The following EIPR1 variants were observed in gnomAD, a reference collection of about 807,000 sequenced individuals.
The protein encoded by EIPR1 is EARP complex and GARP complex interacting protein 1, also known as EARP and GARP complex-interacting protein 1.
In EIPR1, 25 loss-of-function variants were observed where a neutral mutation model predicts 48.1. The ratio of observed to expected loss-of-function variants is 0.52; its 90% confidence interval spans 0.38 to 0.73. The LOEUF (loss-of-function observed/expected upper bound fraction) is 0.73. Ranked by LOEUF, EIPR1 falls within the 30% of genes least tolerant of loss-of-function variation. The pLI, the probability that EIPR1 is intolerant of heterozygous loss-of-function variation, is 0.00. For missense variants in EIPR1, 415 were observed against 506.2 expected (o/e 0.82, Z 1.73); for synonymous variants, 204 against 201.9 (o/e 1.01, Z -0.09).
At chr2:3,208,338 T>G (rs1665304888) in intron 5 of EIPR1, 1 of 939,980 alleles carries the variant, frequency 1.1e-6, no homozygotes. Flanking sequence ...GGAGCCACCG[T>G]GAGCACCTCT....
intron 1 of EIPR1, among the ~76,000 whole-genome samples, chr2:3,360,897 G>C (rs1421326877): frequency 6.6e-6 from 1 of 151,364 alleles, no homozygotes; most frequent in Non-Finnish European, 1.5e-5. Flanking sequence ...TGACCCTCAG[G>C]AAGAGGAAAG....
At chr2:3,310,766 T>C (rs1008369908) in intron 3 of EIPR1, among the ~76,000 whole-genome samples, 4 of 151,866 alleles carry the variant, frequency 2.6e-5, no homozygotes, top group Admixed American at 6.6e-5. Context: ...CAGGGTACAG[T>C]TGTACTTGTG....
At chr2:3,219,014 C>A (rs554139141) in intron 4 of EIPR1, among the ~76,000 whole-genome samples, 7 of 149,984 alleles carry the variant, frequency 4.7e-5, no homozygotes, top group African/African-American at 1.5e-4. Flanking sequence ...ACACTCAACA[C>A]GACCCTGGTA....
intron 6 of EIPR1, among the ~76,000 whole-genome samples, chr2:3,195,854 G>A (rs1432428978): frequency 1.3e-5 from 2 of 152,184 alleles, no homozygotes; most frequent in African/African-American, 2.4e-5. Flanking sequence ...GACACAACAC[G>A]GGCAAAATGA....
Position 3,197,049 on chromosome 2 carries a change from A to G in EIPR1, c.517-32T>C, listed in dbSNP as rs115091928. The G allele has an allele frequency of 2.7e-3, 4,292 of 1,611,144 alleles. 92 individuals carry two copies. The African/African-American group carries it at 0.052, about 20-fold the overall frequency. Reference sequence around the variant, plus strand: ...GTGTCACGATGTTTTCCAAAGGAAGAAGAAAAGAAGAAGAATGTGAAGTCT... The same window carrying G: ...GTGTCACGATGTTTTCCAAAGGAAGGAGAAAAGAAGAAGAATGTGAAGTCT... On this transcript the variant is annotated intron_variant, in intron 5 of 8. Coordinates refer to ENST00000382125, the MANE Select transcript of EIPR1 (RefSeq NM_003310.5).
chr2:3,194,226 G>A (rs891919963), intron 6 of EIPR1, 60 bp from the exon 7 acceptor site: 29 of 1,589,180 alleles, frequency 1.8e-5, no homozygotes, highest in Middle Eastern at 1.7e-4. Flanking sequence ...AAGCCACTGC[G>A]TGCTGCGGGC....
chr2:3,240,673 CAGTG>C (rs1666583714), intron 4 of EIPR1, among the ~76,000 whole-genome samples: 1 of 8,646 alleles, frequency 1.2e-4, no homozygotes, highest in Admixed American at 1.8e-3. Flanking sequence ...TCCTCAAGAA[CAGTG>C]AGCAGGTCCC....
intron 3 of EIPR1, among the ~76,000 whole-genome samples, chr2:3,336,827 G>T (rs1458420486): frequency 6.9e-6 from 1 of 145,034 alleles, no homozygotes; most frequent in Non-Finnish European, 1.5e-5. Context: ...AAAAGAAAAG[G>T]GAAGGGAAGG....
At chr2:3,317,908 C>A (rs920703031) in intron 3 of EIPR1, among the ~76,000 whole-genome samples, 5 of 152,228 alleles carry the variant, frequency 3.3e-5, no homozygotes, top group Admixed American at 1.3e-4. Context: ...CCTCCAGACC[C>A]GGGAGGAAAT....
intron 4 of EIPR1, among the ~76,000 whole-genome samples, chr2:3,246,838 A>T (rs1666821058): frequency 1.8e-5 from 1 of 55,246 alleles, no homozygotes; most frequent in Non-Finnish European, 3.4e-5. Flanking sequence ...GGAGGGAAGG[A>T]GGAAGGGAGG....
intron 4 of EIPR1, among the ~76,000 whole-genome samples, chr2:3,228,025 C>T (rs1294969284): frequency 6.6e-6 from 1 of 152,270 alleles, no homozygotes; most frequent in Non-Finnish European, 1.5e-5. Flanking sequence ...GTTGGAGCCC[C>T]CACACAGAGT....
chr2:3,288,765 G>A (rs1267423697), intron 3 of EIPR1, among the ~76,000 whole-genome samples: 9 of 152,218 alleles, frequency 5.9e-5, no homozygotes. Context: ...GATGGCGCAT[G>A]GCCTGGGACA....
At chr2:3,262,444 G>A (rs185600451) in intron 3 of EIPR1, among the ~76,000 whole-genome samples, 41 of 152,330 alleles carry the variant, frequency 2.7e-4, no homozygotes, top group African/African-American at 8.7e-4. Context: ...CAGAAAAGAC[G>A]CTGTAATGCC....
At chr2:3,332,276 G>A (rs534691216) in intron 3 of EIPR1, among the ~76,000 whole-genome samples, 91 of 152,340 alleles carry the variant, frequency 6.0e-4, no homozygotes, top group Non-Finnish European at 1.2e-3. Context: ...TGAGATGCAC[G>A]GAAAGGTCAA....
intron 3 of EIPR1, among the ~76,000 whole-genome samples, chr2:3,314,165 T>G (rs1345162723): frequency 6.6e-6 from 1 of 152,160 alleles, no homozygotes; most frequent in African/African-American, 2.4e-5. Context: ...TGCGCCAGCG[T>G]GATCTACAGT....
chr2:3,262,521 T>C (rs1210178581), intron 3 of EIPR1, among the ~76,000 whole-genome samples: 2 of 152,200 alleles, frequency 1.3e-5, no homozygotes, highest in Non-Finnish European at 2.9e-5. Context: ...GCCCAGATGC[T>C]GGGGTAGCAC....
At chr2:3,199,071 C>CCCCCA (rs1558216901) in intron 5 of EIPR1, among the ~76,000 whole-genome samples, 3 of 50,464 alleles carry the variant, frequency 5.9e-5, no homozygotes, top group East Asian at 6.0e-4. Flanking sequence ...GCCCCCCCCC[C>CCCCCA]GCCCCGGGAA....
intron 3 of EIPR1, among the ~76,000 whole-genome samples, chr2:3,292,808 C>T (rs920253616): frequency 2.7e-5 from 4 of 147,130 alleles, no homozygotes; most frequent in Admixed American, 2.7e-4. Flanking sequence ...ATAATGAATT[C>T]AACTGTTACT....
chr2:3,358,034 G>A (rs1020835637), intron 1 of EIPR1, among the ~76,000 whole-genome samples: 2 of 152,126 alleles, frequency 1.3e-5, no homozygotes, highest in Non-Finnish European at 2.9e-5. Context: ...GCAGCAACAG[G>A]AAACTAACCC....
Sources: allele counts gnomAD v4.1 joint callset (sites outside exome capture counted in the v4.1 genomes callset), GRCh38; gene constraint gnomAD v4.1.1; transcripts MANE v1.5; gene names NCBI Gene and HGNC (gene_info 2026-07-23, HGNC 2026-07-21).